Variants in RNF185 observed in about 807,000 individuals in gnomAD.
RNF185 encodes ring finger protein 185, also known as E3 ubiquitin-protein ligase RNF185.
RNF185 carries 13 observed loss-of-function variants against 24.9 expected under a neutral mutation model. That is an observed-to-expected ratio of 0.52 (90% CI 0.34 to 0.83). RNF185 has a LOEUF of 0.83. Ranked by LOEUF, RNF185 falls within the 40% of genes least tolerant of loss-of-function variation. The pLI, the probability that RNF185 is intolerant of heterozygous loss-of-function variation, is 0.01. For synonymous variants in RNF185, 79 were observed against 90.3 expected, an observed-to-expected ratio of 0.88 and a Z score of 0.71; for missense variants, 184 against 244.7, an observed-to-expected ratio of 0.75 and a Z score of 1.65.
At chr22:31,162,507 T>G (rs1167734830) in intron 1 of RNF185, among the ~76,000 whole-genome samples, 1 of 152,172 alleles carries the variant, frequency 6.6e-6, no homozygotes, top group African/African-American at 2.4e-5. Flanking sequence ...TTGGAGCTTC[T>G]CAATGTGTAA....
intron 1 of RNF185, chr22:31,183,186 G>C (rs1259913293): frequency 1.3e-5 from 2 of 152,016 alleles, no homozygotes; most frequent in Non-Finnish European, 2.9e-5. Context: ...GCCTCCCAAA[G>C]TGCTGGGATT....
chr22:31,182,629 C>G (rs2048050480), intron 1 of RNF185, among the ~76,000 whole-genome samples: 1 of 151,844 alleles, frequency 6.6e-6, no homozygotes, highest in Non-Finnish European at 1.5e-5. Context: ...CGAGTAATAC[C>G]TAGGCTAAAC....
intron 2 of RNF185, among the ~76,000 whole-genome samples, chr22:31,187,938 T>G (rs956941626): frequency 9.3e-5 from 14 of 150,202 alleles, no homozygotes; most frequent in Non-Finnish European, 1.9e-4. Flanking sequence ...TGTGTGTGTG[T>G]TTTTTTTTGT....
chr22:31,167,377 A>G (rs1923992172), intron 1 of RNF185, among the ~76,000 whole-genome samples: 1 of 152,048 alleles, frequency 6.6e-6, no homozygotes, highest in African/African-American at 2.4e-5. Context: ...CATTAAGTAA[A>G]TTCACAATGT....
chr22:31,176,326 A>G (rs2047982027), intron 1 of RNF185, among the ~76,000 whole-genome samples: 1 of 147,816 alleles, frequency 6.8e-6, no homozygotes. Context: ...TCCCAGGTTC[A>G]AGCAATTCTC....
At chr22:31,192,069 A>C (rs976004069) in intron 2 of RNF185, among the ~76,000 whole-genome samples, 15 of 152,130 alleles carry the variant, frequency 9.9e-5, no homozygotes, top group Non-Finnish European at 4.4e-5. Context: ...GTCAAGTAGC[A>C]TCCCCATCCT....
chr22:31,193,408 G>C (rs990665957), intron 3 of RNF185, among the ~76,000 whole-genome samples: 2 of 152,170 alleles, frequency 1.3e-5, no homozygotes, highest in African/African-American at 4.8e-5. Context: ...AAGTTTTGGA[G>C]CTATGAACAG....
chr22:31,187,142 T>C lies in RNF185; in HGVS notation c.48T>C (p.Ser16=), dbSNP rs2048107421. The part of the protein sequence containing the change: ...PSASASPENS[S]AGGPSGSSNG... ...CCTCTGCATCTCCTGAGAACTCCAGTGCAGGGGGGCCCAGTGGGAGCAGCA... is the reference window on the plus strand; with the variant it reads ...CCTCTGCATCTCCTGAGAACTCCAGCGCAGGGGGGCCCAGTGGGAGCAGCA... Residue 16 remains serine (S), a synonymous_variant, in exon 2 of 7, where the codon AGT becomes AGC. Transcript: ENST00000326132. The C allele has an allele frequency of 6.2e-7, 1 of 1,613,394 alleles. No homozygotes were observed. The highest frequency in any genetic ancestry group is 1.3e-5 in the African/African-American group (1 of 74,892).
At chr22:31,181,973 T>A (rs1400657792) in intron 1 of RNF185, among the ~76,000 whole-genome samples, 3 of 151,810 alleles carry the variant, frequency 2.0e-5, no homozygotes, top group African/African-American at 7.3e-5. Context: ...CTGCACGTTG[T>A]GCACATGTAC....
At chr22:31,163,556 G>A (rs1923712983) in intron 1 of RNF185, among the ~76,000 whole-genome samples, 2 of 151,986 alleles carry the variant, frequency 1.3e-5, no homozygotes, top group South Asian at 4.2e-4. Context: ...TCAAATCTCC[G>A]AGCTCAAATG....
In RNF185 at chr22:31,205,889, T is replaced by G. The variant is rs1601385611; in HGVS notation, c.*1303T>G. On this transcript the variant is annotated 3_prime_UTR_variant, in exon 7 of 7. Transcript: ENST00000326132. ...GATTTGATTTTCAGTTTCATAAGCT[T>G]CTTCCTCTGAATCTTATTGAGGGAC... is the stretch of plus-strand genomic sequence containing the variant. 4 of 153,062 alleles carry G rather than the reference T, an allele frequency of 2.6e-5. No individual in the cohort carries two copies. In the Middle Eastern group the frequency reaches 4.4e-3, roughly 169 times the overall value. The allele number at this position is 153,062 out of a possible 1,614,324, so 9.5% of individuals were successfully genotyped here.
intron 2 of RNF185, 29 bp from the exon 3 acceptor site, chr22:31,192,655 A>G: frequency 6.2e-7 from 1 of 1,610,340 alleles, no homozygotes; most frequent in East Asian, 2.2e-5. Flanking sequence ...CTTCTCCTTG[A>G]TGACTGGTTG....
At chr22:31,194,821 G>A (rs570690768) in intron 3 of RNF185, among the ~76,000 whole-genome samples, 23 of 152,262 alleles carry the variant, frequency 1.5e-4, no homozygotes, top group East Asian at 9.6e-4. Flanking sequence ...AAAGTTTGCT[G>A]TACTTACACC....
intron 2 of RNF185, among the ~76,000 whole-genome samples, chr22:31,189,165 T>TGTGTG (rs1568968952): frequency 2.6e-5 from 2 of 77,276 alleles, no homozygotes; most frequent in Admixed American, 1.4e-4. Flanking sequence ...GTGTGTGTGT[T>TGTGTG]TGTGTTTGTG....
Position 31,196,902 on chromosome 22 carries a change from G to T in RNF185, c.309-34G>T, listed in dbSNP as rs771592186. On this transcript the variant is annotated intron_variant, in intron 4 of 6. Transcript: ENST00000326132. Reference sequence around the variant, plus strand: ...CACAGGGAGCAACTCAAAGCAATTTGTAATAGACTTATTTTACACCATTTC... The same window carrying T: ...CACAGGGAGCAACTCAAAGCAATTTTTAATAGACTTATTTTACACCATTTC... 19 of 1,610,146 alleles carry T rather than the reference G, an allele frequency of 1.2e-5. No homozygotes were observed. The East Asian group carries it at 3.6e-4, about 30-fold the overall frequency.
intron 3 of RNF185, among the ~76,000 whole-genome samples, chr22:31,195,142 G>A (rs1222508569): frequency 2.6e-5 from 4 of 151,908 alleles, no homozygotes; most frequent in African/African-American, 9.7e-5. Flanking sequence ...TAGTAGAGAC[G>A]GGGTTTCACC....
intron 1 of RNF185, among the ~76,000 whole-genome samples, chr22:31,170,381 G>A (rs1030365770): frequency 6.6e-6 from 1 of 151,922 alleles, no homozygotes; most frequent in Non-Finnish European, 1.5e-5. Flanking sequence ...TAGTAGAGAC[G>A]AGGTTTCACC....
At chr22:31,162,198 G>A (rs911117727) in intron 1 of RNF185, among the ~76,000 whole-genome samples, 7 of 152,072 alleles carry the variant, frequency 4.6e-5, no homozygotes, top group East Asian at 1.9e-4. Flanking sequence ...CTCCCCCGCC[G>A]CCACAAAAGT....
At chr22:31,178,663 A>G (rs1295285249) in intron 1 of RNF185, among the ~76,000 whole-genome samples, 1 of 152,202 alleles carries the variant, frequency 6.6e-6, no homozygotes, top group Non-Finnish European at 1.5e-5. Flanking sequence ...CTCCTGTACT[A>G]GACTCCAAGA....
Sources: allele counts gnomAD v4.1 joint callset (sites outside exome capture counted in the v4.1 genomes callset), GRCh38; gene constraint gnomAD v4.1.1; transcripts MANE v1.5; gene names NCBI Gene and HGNC (gene_info 2026-07-23, HGNC 2026-07-21).